Variants in POU2F3 observed in about 807,000 individuals in gnomAD.
POU2F3 encodes the protein POU class 2 homeobox 3, also known as POU domain, class 2, transcription factor 3.
POU2F3 carries 23 observed loss-of-function variants against 59.2 expected under a neutral mutation model. The ratio of observed to expected loss-of-function variants is 0.39; its 90% CI spans 0.28 to 0.55. The LOEUF (loss-of-function observed/expected upper bound fraction) is 0.55, where lower values mean the gene tolerates loss of function less well. Ranked by LOEUF, POU2F3 falls within the 20% of genes least tolerant of loss-of-function variation. The pLI is 0.66. For synonymous variants in POU2F3, 190 were observed against 214.6 expected (o/e 0.89, Z 1.00); for missense variants, 473 against 544.5 (o/e 0.87, Z 1.31).
At chr11:120,286,271 G>C (rs1302967036) in intron 3 of POU2F3, among the ~76,000 whole-genome samples, 2 of 152,182 alleles carry the variant, frequency 1.3e-5, no homozygotes, top group Admixed American at 6.5e-5. Flanking sequence ...TTACAACGCT[G>C]TGATGAACTC....
intron 5 of POU2F3, chr11:120,300,956 G>T (rs889679596): frequency 1.8e-5 from 8 of 450,516 alleles, no homozygotes; most frequent in Non-Finnish European, 3.1e-5. Flanking sequence ...GACCCTATTT[G>T]AATTTTTAAG....
intron 6 of POU2F3, chr11:120,304,297 C>G: frequency 7.4e-6 from 1 of 135,842 alleles, no homozygotes; most frequent in South Asian, 2.4e-4. Context: ...TGCCACTACA[C>G]TCTAGCCTGG....
intron 2 of POU2F3, among the ~76,000 whole-genome samples, chr11:120,252,187 T>C (rs2135143522): frequency 6.6e-6 from 1 of 151,366 alleles, no homozygotes; most frequent in South Asian, 2.1e-4. Flanking sequence ...ATAAGCCCAT[T>C]ACCTCTTGTT....
upstream of POU2F3, chr11:120,236,720 T>A (rs892570563): frequency 2.0e-6 from 3 of 1,476,766 alleles, no homozygotes; most frequent in South Asian, 1.2e-5. Context: ...AAAGGAGTTC[T>A]CTACGTTCCC....
At chr11:120,303,919 A>G (rs1356641806) in intron 6 of POU2F3, 1 of 152,246 alleles carries the variant, frequency 6.6e-6, no homozygotes, top group Non-Finnish European at 1.5e-5. Flanking sequence ...CCCTAGGCCC[A>G]GATTCCACTC....
intron 5 of POU2F3, among the ~76,000 whole-genome samples, chr11:120,300,551 G>A (rs1296124597): frequency 2.6e-5 from 4 of 152,056 alleles, no homozygotes; most frequent in Non-Finnish European, 5.9e-5. Flanking sequence ...ATCACTTGAG[G>A]CCAGAAGTTC....
intron 2 of POU2F3, among the ~76,000 whole-genome samples, chr11:120,251,628 C>T (rs968569394): frequency 6.6e-6 from 1 of 152,078 alleles, no homozygotes; most frequent in African/African-American, 2.4e-5. Flanking sequence ...TCCTGATATT[C>T]CTGCTATGAA....
At chr11:120,242,938 A>C (rs1938724598) in intron 1 of POU2F3, among the ~76,000 whole-genome samples, 1 of 152,072 alleles carries the variant, frequency 6.6e-6, no homozygotes, top group Non-Finnish European at 1.5e-5. Flanking sequence ...AAAGGAAAAC[A>C]GTGGGAAGCC....
chr11:120,315,258 G>A, intron 10 of POU2F3, 103 bp from the exon 11 acceptor site: 1 of 1,095,894 alleles, frequency 9.1e-7, no homozygotes, highest in Non-Finnish European at 1.4e-6. Context: ...AGGAAGCCAA[G>A]CCCTGGTCTC....
At chr11:120,294,781 G>C (rs953849346) in intron 3 of POU2F3, among the ~76,000 whole-genome samples, 2 of 152,130 alleles carry the variant, frequency 1.3e-5, no homozygotes, top group Non-Finnish European at 2.9e-5. Flanking sequence ...GCTGATCAAA[G>C]CTGAGATTTG....
At chr11:120,310,779 C>T (rs1941630740) in intron 10 of POU2F3, among the ~76,000 whole-genome samples, 3 of 152,116 alleles carry the variant, frequency 2.0e-5, no homozygotes, top group African/African-American at 4.8e-5. Flanking sequence ...AACCAGCTAC[C>T]GACTACCTTC....
intron 4 of POU2F3, among the ~76,000 whole-genome samples, chr11:120,299,144 A>AC (rs71471000): frequency 6.6e-6 from 1 of 151,922 alleles, no homozygotes; most frequent in Non-Finnish European, 1.5e-5. Context: ...AGTTTGCTCC[A>AC]CCCCCCAACT....
At chr11:120,254,930 G>A (rs1224086805) in intron 2 of POU2F3, 2 of 152,244 alleles carry the variant, frequency 1.3e-5, no homozygotes, top group Non-Finnish European at 2.9e-5. Context: ...CAGGAGCATG[G>A]GAAACAGCTG....
intron 3 of POU2F3, among the ~76,000 whole-genome samples, chr11:120,296,553 C>G (rs540390563): frequency 1.9e-4 from 29 of 152,312 alleles, no homozygotes; most frequent in African/African-American, 7.0e-4. Flanking sequence ...TCTCCCTCCT[C>G]TCACCTTCTA....
chr11:120,245,836 A>T (rs1938847744), intron 1 of POU2F3, among the ~76,000 whole-genome samples: 1 of 152,096 alleles, frequency 6.6e-6, no homozygotes, highest in African/African-American at 2.4e-5. Context: ...AGAGAAGGTA[A>T]GGATCCCCAA....
At chr11:120,310,838 C>T (rs779369309) in intron 10 of POU2F3, among the ~76,000 whole-genome samples, 5 of 152,164 alleles carry the variant, frequency 3.3e-5, no homozygotes, top group African/African-American at 4.8e-5. Context: ...ATTGTTTGTT[C>T]CCTGTCCCAG....
At chr11:120,257,527 C>A (rs987248684) in intron 2 of POU2F3, among the ~76,000 whole-genome samples, 2 of 152,060 alleles carry the variant, frequency 1.3e-5, no homozygotes, top group African/African-American at 2.4e-5. Context: ...TCACTGGCTC[C>A]TCCACAAGGG....
intron 11 of POU2F3, 83 bp downstream of exon 11, chr11:120,315,510 G>A: frequency 1.5e-6 from 2 of 1,323,100 alleles, no homozygotes; most frequent in South Asian, 2.5e-5. Context: ...ATCTACCTAA[G>A]TCAGGCTTCC....
chr11:120,315,418 C>A lies in POU2F3; in HGVS notation c.1126C>A (p.Pro376Thr), dbSNP rs577413155. 1.2e-6 allele frequency: 2 copies of A among 1,612,848 alleles called. No individual in the cohort carries two copies. The highest frequency in any genetic ancestry group is 1.7e-6 in the Non-Finnish European group (2 of 1,178,842). ...LSVPPVHSTM[P>T]GTVTSSCSPG... ...TGTCCCTCCTGTCCACAGTACCATG[C>A]CTGGAACAGGTGAGCTTTAAAATGA... Residue 376 changes from proline to threonine, a missense_variant, in exon 11 of 13, where the codon CCT becomes ACT. Pro to Thr is a conservative substitution (Grantham distance 38). Coordinates refer to ENST00000543440, the MANE Select transcript of POU2F3 (RefSeq NM_014352.4).
Sources: allele counts gnomAD v4.1 joint callset (sites outside exome capture counted in the v4.1 genomes callset), GRCh38; gene constraint gnomAD v4.1.1; transcripts MANE v1.5; gene names NCBI Gene and HGNC (gene_info 2026-07-23, HGNC 2026-07-21).